Variants in TENM2 observed in about 807,000 individuals in gnomAD.
The protein encoded by TENM2 is teneurin-2.
Under a neutral mutation model 245.2 loss-of-function variants are expected in TENM2, and 52 were observed. The observed-to-expected ratio is 0.21, with a 90% CI of 0.17 to 0.27. The LOEUF (loss-of-function observed/expected upper bound fraction) is 0.27, where lower values mean the gene tolerates loss of function less well. Ranked by LOEUF, TENM2 falls within the 10% of genes least tolerant of loss-of-function variation. The pLI, the probability that TENM2 is intolerant of heterozygous loss-of-function variation, is 1.00. For synonymous variants in TENM2, 1,363 were observed against 1,438.9 expected (o/e 0.95, Z 1.19); for missense variants, 3,046 against 3,666.8 (o/e 0.83, Z 4.37).
chr5:167,239,622 G>T, the TENM2 span, among the ~76,000 whole-genome samples: 1 of 152,134 alleles, frequency 6.6e-6, no homozygotes, highest in Admixed American at 6.6e-5. Flanking sequence ...AGTAGTCTGT[G>T]GATAATTTGA....
intron 19 of TENM2, among the ~76,000 whole-genome samples, chr5:168,207,438 G>T (rs1272130974): frequency 1.3e-5 from 2 of 152,140 alleles, no homozygotes; most frequent in Admixed American, 1.3e-4. Context: ...GCGGAATGTG[G>T]CTCCCAGTTT....
At chr5:167,463,070 T>C (rs1766423457) in intron 2 of TENM2, among the ~76,000 whole-genome samples, 1 of 152,136 alleles carries the variant, frequency 6.6e-6, no homozygotes, top group Non-Finnish European at 1.5e-5. Flanking sequence ...TACTCTTTCA[T>C]GGAAATGTAA....
At chr5:167,769,691 A>G (rs1408612262) in intron 2 of TENM2, among the ~76,000 whole-genome samples, 1 of 152,118 alleles carries the variant, frequency 6.6e-6, no homozygotes, top group Non-Finnish European at 1.5e-5. Flanking sequence ...TTTCTATACT[A>G]TGTCTGCAAA....
intron 9 of TENM2, among the ~76,000 whole-genome samples, chr5:168,101,664 T>A (rs1050221991): frequency 2.0e-4 from 31 of 152,342 alleles, no homozygotes; most frequent in Non-Finnish European, 2.5e-4. Context: ...ACTCAGTCGC[T>A]GCTCCTGAAA....
Position 167,977,843 on chromosome 5 carries a change from T to A in TENM2, c.948-15101T>A, listed in dbSNP as rs190292447. The stretch of plus-strand genomic sequence containing the variant: ...GACCATATTATGTAGTTGGGATGTT[T>A]GTCCTCTCCATGTCCCATGTTGGAA... On this transcript the variant is annotated intron_variant, in intron 4 of 28. Coordinates refer to ENST00000518659, the Ensembl canonical transcript of TENM2. Among the ~76,000 whole-genome samples, 99 of 152,318 alleles carry A rather than the reference T, an allele frequency of 6.5e-4. 1 individual carries two copies. The highest frequency in any genetic ancestry group is 6.8e-3 in the Middle Eastern group (2 of 294).
Position 167,885,952 on chromosome 5 carries a change from G to A in TENM2, c.712+9757G>A, listed in dbSNP as rs185821850. Among the ~76,000 whole-genome samples, 67 of 152,296 alleles carry A rather than the reference G, an allele frequency of 4.4e-4. No individual in the cohort carries two copies. In the East Asian group the frequency reaches 0.011, roughly 25 times the overall value. ...CTCGCCTCGGCCTCCCAAAGTGCTGGGATTACAGGCATGAGCCACTGCACC... is the reference window on the plus strand; with the variant it reads ...CTCGCCTCGGCCTCCCAAAGTGCTGAGATTACAGGCATGAGCCACTGCACC... On this transcript the variant is annotated intron_variant, in intron 3 of 28. Transcript: ENST00000518659.
At chr5:167,485,487 T>A (rs1461412902) in intron 2 of TENM2, among the ~76,000 whole-genome samples, 1 of 152,124 alleles carries the variant, frequency 6.6e-6, no homozygotes, top group Non-Finnish European at 1.5e-5. Context: ...AATAAAGCCA[T>A]AACATTTTTC....
chr5:167,602,998 A>C (rs1383779675), intron 2 of TENM2, among the ~76,000 whole-genome samples: 8 of 152,198 alleles, frequency 5.3e-5, no homozygotes, highest in Admixed American at 5.2e-4. Context: ...TTTCCAAGGA[A>C]CATCAAGAAT....
the TENM2 span, among the ~76,000 whole-genome samples, chr5:167,183,762 T>C: frequency 6.6e-6 from 1 of 152,260 alleles, no homozygotes; most frequent in Non-Finnish European, 1.5e-5. Flanking sequence ...ATCAGCAATA[T>C]GAACCACCTG....
chr5:167,929,669 C>T (rs541570730), intron 3 of TENM2, among the ~76,000 whole-genome samples: 1 of 152,168 alleles, frequency 6.6e-6, no homozygotes, highest in South Asian at 2.1e-4. Flanking sequence ...GAAAGATTGC[C>T]CATAGAATGG....
intron 2 of TENM2, among the ~76,000 whole-genome samples, chr5:167,431,287 G>T (rs953253787): frequency 6.6e-6 from 1 of 152,098 alleles, no homozygotes; most frequent in Non-Finnish European, 1.5e-5. Flanking sequence ...GAAAGAGAAA[G>T]ATATTTTCAG....
chr5:167,759,424 G>A (rs1762517709), intron 2 of TENM2, among the ~76,000 whole-genome samples: 1 of 152,016 alleles, frequency 6.6e-6, no homozygotes, highest in African/African-American at 2.4e-5. Flanking sequence ...ACATTTATCA[G>A]GACTCTGATT....
At chr5:167,126,928 G>A in the TENM2 span, among the ~76,000 whole-genome samples, 1 of 151,814 alleles carries the variant, frequency 6.6e-6, no homozygotes, top group Non-Finnish European at 1.5e-5. Context: ...TTCATGCACA[G>A]TTATTTGACG....
At chr5:168,188,983 G>A (rs1273762868) in intron 13 of TENM2, among the ~76,000 whole-genome samples, 1 of 152,172 alleles carries the variant, frequency 6.6e-6, no homozygotes, top group Non-Finnish European at 1.5e-5. Context: ...CAGTCCTGGA[G>A]GCTGGGAAGT....
At chr5:168,017,148 A>C in intron 5 of TENM2, among the ~76,000 whole-genome samples, 1 of 152,178 alleles carries the variant, frequency 6.6e-6, no homozygotes, top group Admixed American at 6.5e-5. Context: ...ATTTCACCAA[A>C]GTAAAAGGAA....
chr5:167,076,971 A>G, the TENM2 span, among the ~76,000 whole-genome samples: 1 of 151,958 alleles, frequency 6.6e-6, no homozygotes, highest in Non-Finnish European at 1.5e-5. Flanking sequence ...CTCCCAAGGC[A>G]TGCACCACCA....
intron 9 of TENM2, among the ~76,000 whole-genome samples, chr5:168,102,060 T>TGA (rs1425231990): frequency 2.7e-5 from 1 of 36,786 alleles, no homozygotes; most frequent in African/African-American, 9.5e-5. Context: ...TTTTTGTGTG[T>TGA]GTGTGTGTGC....
chr5:167,967,392 T>C (rs953157250), intron 4 of TENM2, among the ~76,000 whole-genome samples: 2 of 152,208 alleles, frequency 1.3e-5, no homozygotes, highest in Non-Finnish European at 2.9e-5. Flanking sequence ...GTGGCACGTG[T>C]GCAAATTACA....
chr5:167,031,267 C>T, the TENM2 span, among the ~76,000 whole-genome samples: 1 of 152,180 alleles, frequency 6.6e-6, no homozygotes, highest in African/African-American at 2.4e-5. Context: ...TTTTTCAGTG[C>T]AATATCCAAT....
Sources: allele counts gnomAD v4.1 joint callset (sites outside exome capture counted in the v4.1 genomes callset), GRCh38; gene constraint gnomAD v4.1.1; transcripts MANE v1.5; gene names NCBI Gene and HGNC (gene_info 2026-07-23, HGNC 2026-07-21).